The following PCSK2 variants were observed in gnomAD, a reference collection of about 807,000 sequenced individuals.
PCSK2 encodes neuroendocrine convertase 2.
In PCSK2, 14 loss-of-function variants were observed where a neutral mutation model predicts 69.7. That is an observed-to-expected ratio of 0.20 (90% CI 0.13 to 0.31). The LOEUF is 0.31. PCSK2 is among the 10% of genes least tolerant of loss of function. The probability of loss-of-function intolerance (pLI) is 1.00; values close to 1 mark genes in which losing one functional copy is unlikely to be tolerated. For missense variants in PCSK2, 544 were observed against 842.5 expected, an observed-to-expected ratio of 0.65 and a Z score of 4.39; for synonymous variants, 307 against 320.7, an observed-to-expected ratio of 0.96 and a Z score of 0.46.
At chr20:17,396,677 G>A (rs1231104932) in intron 5 of PCSK2, among the ~76,000 whole-genome samples, 1 of 150,838 alleles carries the variant, frequency 6.6e-6, no homozygotes, top group South Asian at 2.1e-4. Context: ...TGATACAGTT[G>A]CACAATCATA....
intron 2 of PCSK2, among the ~76,000 whole-genome samples, chr20:17,292,108 G>T (rs1314539601): frequency 3.3e-5 from 5 of 152,142 alleles, no homozygotes; most frequent in Non-Finnish European, 7.4e-5. Context: ...ACAGCGCATG[G>T]ATATTGAGTA....
In PCSK2 at chr20:17,482,911, C is replaced by G. The variant is rs556766304; in HGVS notation, c.*841C>G. ...ACCCAAAAGAGAAAAAAAATTAAGA[C>G]AAGCCTGGCAACACACCTGGTGAAG... On this transcript the variant is annotated 3_prime_UTR_variant, in exon 12 of 12. Coordinates refer to ENST00000262545, the MANE Select transcript of PCSK2 (RefSeq NM_002594.5). The G allele has an allele frequency of 6.6e-6, 1 of 152,200 alleles. No individual in the cohort carries two copies. The highest frequency in any genetic ancestry group is 1.5e-5 in the Non-Finnish European group (1 of 68,036). 9.4% of individuals were successfully genotyped at this position (152,200 alleles called of 1,614,324 possible).
chr20:17,409,405 T>C (rs1207275509), intron 6 of PCSK2, 66 bp downstream of exon 6: 4 of 1,131,738 alleles, frequency 3.5e-6, no homozygotes, highest in Admixed American at 1.8e-5. Flanking sequence ...TTTGTTTTGT[T>C]TCAGGCTTGA....
intron 1 of PCSK2, among the ~76,000 whole-genome samples, chr20:17,247,341 C>A (rs1167130836): frequency 6.6e-6 from 1 of 152,178 alleles, no homozygotes; most frequent in South Asian, 2.1e-4. Flanking sequence ...AATTCAGGTC[C>A]CCAAATGAAA....
intron 2 of PCSK2, among the ~76,000 whole-genome samples, chr20:17,355,200 G>T (rs1179839138): frequency 6.6e-6 from 1 of 152,156 alleles, no homozygotes; most frequent in Admixed American, 6.5e-5. Flanking sequence ...AATGAGTTTG[G>T]AGTGGTTGTA....
At chr20:17,336,759 T>C (rs1368529853) in intron 2 of PCSK2, among the ~76,000 whole-genome samples, 7 of 152,160 alleles carry the variant, frequency 4.6e-5, no homozygotes, top group Admixed American at 2.6e-4. Flanking sequence ...GGAAAATATT[T>C]CCAACCAATC....
intron 1 of PCSK2, among the ~76,000 whole-genome samples, chr20:17,233,119 T>A (rs768304926): frequency 6.6e-6 from 1 of 152,156 alleles, no homozygotes; most frequent in Non-Finnish European, 1.5e-5. Flanking sequence ...ATACACCTCT[T>A]GTGGCTGAAG....
In PCSK2 at chr20:17,394,466, G is replaced by A. The variant is rs149922583; in HGVS notation, c.544-14797G>A. Among the ~76,000 whole-genome samples, 85 of 152,278 alleles carry A rather than the reference G, an allele frequency of 5.6e-4. 1 individual carries two copies. In the East Asian group the frequency reaches 0.015, roughly 26 times the overall value. Reference sequence around the variant, plus strand: ...GTCCTTGAACCACTTGGAGCGAACCGTAGGGGATGGAAAAGTGAGGGACAT... The same window carrying A: ...GTCCTTGAACCACTTGGAGCGAACCATAGGGGATGGAAAAGTGAGGGACAT... On this transcript the variant is annotated intron_variant, in intron 5 of 11. Transcript: ENST00000262545.
chr20:17,287,602 G>T (rs560607087), intron 2 of PCSK2, among the ~76,000 whole-genome samples: 1 of 152,252 alleles, frequency 6.6e-6, no homozygotes, highest in East Asian at 1.9e-4. Context: ...TATAACTAGT[G>T]GCTAAGCATC....
intron 11 of PCSK2, among the ~76,000 whole-genome samples, chr20:17,478,568 G>A (rs1253326737): frequency 6.6e-5 from 10 of 152,148 alleles, no homozygotes; most frequent in Admixed American, 6.5e-4. Context: ...TTGTTACTAT[G>A]CTATTAGTTG....
intron 2 of PCSK2, among the ~76,000 whole-genome samples, chr20:17,305,809 A>C (rs1464777470): frequency 1.8e-4 from 27 of 152,256 alleles, no homozygotes; most frequent in Admixed American, 1.6e-3. Context: ...AAATGAACAA[A>C]AAAGCTTTAT....
chr20:17,277,463 T>A (rs1445779620), intron 2 of PCSK2, among the ~76,000 whole-genome samples: 6 of 152,154 alleles, frequency 3.9e-5, no homozygotes, highest in Non-Finnish European at 8.8e-5. Flanking sequence ...AAACAAGCAA[T>A]GGGGAAAGGA....
chr20:17,461,013 T>G (rs2123394030), intron 10 of PCSK2, among the ~76,000 whole-genome samples: 1 of 152,196 alleles, frequency 6.6e-6, no homozygotes, highest in Middle Eastern at 3.4e-3. Flanking sequence ...AGCATTAGGA[T>G]GCCTGTTCCA....
intron 2 of PCSK2, among the ~76,000 whole-genome samples, chr20:17,282,031 C>G (rs1178106719): frequency 1.3e-5 from 2 of 152,126 alleles, no homozygotes; most frequent in Non-Finnish European, 2.9e-5. Flanking sequence ...CTCTCCTACC[C>G]TGGAATATTC....
intron 1 of PCSK2, among the ~76,000 whole-genome samples, chr20:17,238,517 G>T (rs1258044550): frequency 1.3e-5 from 2 of 152,164 alleles, no homozygotes; most frequent in African/African-American, 2.4e-5. Context: ...CACTATGTTT[G>T]TATGCTTAAC....
intron 2 of PCSK2, among the ~76,000 whole-genome samples, chr20:17,286,660 G>A (rs1243207271): frequency 6.6e-6 from 1 of 152,158 alleles, no homozygotes; most frequent in Non-Finnish European, 1.5e-5. Flanking sequence ...TTTGGTAGAC[G>A]TTTATATATA....
chr20:17,333,349 C>G (rs752870607), intron 2 of PCSK2, among the ~76,000 whole-genome samples: 18 of 152,114 alleles, frequency 1.2e-4, no homozygotes, highest in Non-Finnish European at 2.5e-4. Flanking sequence ...AAAGAAAAAG[C>G]AAGTAGATCC....
intron 1 of PCSK2, among the ~76,000 whole-genome samples, chr20:17,229,981 T>G (rs1359905274): frequency 6.6e-6 from 1 of 152,222 alleles, no homozygotes; most frequent in African/African-American, 2.4e-5. Flanking sequence ...AGGTAAATAT[T>G]CAGGGATGAT....
chr20:17,413,152 T>C (rs897317534), intron 6 of PCSK2, among the ~76,000 whole-genome samples: 16 of 152,214 alleles, frequency 1.1e-4, no homozygotes, highest in Non-Finnish European at 1.9e-4. Flanking sequence ...GCTAACATCA[T>C]AATGACAGAA....
Sources: allele counts gnomAD v4.1 joint callset (sites outside exome capture counted in the v4.1 genomes callset), GRCh38; gene constraint gnomAD v4.1.1; transcripts MANE v1.5; gene names NCBI Gene and HGNC (gene_info 2026-07-23, HGNC 2026-07-21).